Variants in LAMA4 observed in about 807,000 individuals in gnomAD.
LAMA4 encodes the protein laminin subunit alpha 4, also known as laminin subunit alpha-4.
In LAMA4, 127 loss-of-function variants were observed where a neutral mutation model predicts 207.1. That is an observed-to-expected ratio of 0.61 (90% confidence interval 0.53 to 0.71). The LOEUF (loss-of-function observed/expected upper bound fraction) is 0.71, where lower values mean the gene tolerates loss of function less well. Among genes scored for constraint, LAMA4 ranks in the 30% least tolerant of loss-of-function variants. LAMA4 has a pLI of 0.00. For synonymous variants in LAMA4, 761 were observed against 816.0 expected (o/e 0.93, Z 1.15); for missense variants, 2,093 against 2,246.5 (o/e 0.93, Z 1.38).
chr6:112,113,978 T>C, intron 38 of LAMA4, 98 bp downstream of exon 38: 1 of 1,352,150 alleles, frequency 7.4e-7, no homozygotes, highest in East Asian at 2.3e-5. Flanking sequence ...TTTGAGTAAC[T>C]AGGTGCATCA....
intron 30 of LAMA4, 127 bp from the exon 31 acceptor site, chr6:112,129,202 GTA>G: frequency 1.5e-6 from 1 of 689,022 alleles, no homozygotes; most frequent in East Asian, 3.0e-5. Context: ...GTGTGTGTGT[GTA>G]TGTGTGATGG....
Position 112,136,553 on chromosome 6 carries a change from G to A in LAMA4, c.3283-299C>T, listed in dbSNP as rs180703986. On this transcript the variant is annotated intron_variant, in intron 24 of 38. Coordinates refer to ENST00000230538, the MANE Select transcript of LAMA4 (RefSeq NM_001105206.3). Reference sequence around the variant, plus strand: ...CTAAAAATACAAAAACTAGCCAGGCGTGGTGGTAGGCACCTGTAATCCCAG... The same window carrying A: ...CTAAAAATACAAAAACTAGCCAGGCATGGTGGTAGGCACCTGTAATCCCAG... Among the ~76,000 whole-genome samples the A allele has an allele frequency of 1.4e-4, 21 of 152,120 alleles. 1 individual carries two copies. Among genetic ancestry groups the A allele is most frequent in the African/African-American group, 4.1e-4 (17 of 41,508 alleles).
At chr6:112,215,963 T>C (rs576159797) in intron 3 of LAMA4, among the ~76,000 whole-genome samples, 75 of 152,230 alleles carry the variant, frequency 4.9e-4, no homozygotes, top group Non-Finnish European at 9.4e-4. Flanking sequence ...TTTTAGGTTC[T>C]AAAATAGGCT....
At position 112,130,300 on chromosome 6, in the gene LAMA4, T is replaced by TTGTGTGTGTGTG. The variant is rs35563593; in HGVS notation, c.3969-272_3969-261dup. ...AGATGACTAGTCATCAGCATTATTT[T>TTGTGTGTGTGTG]TGTGTGTGTGTGTGTGTGTGTGTGT... On this transcript the variant is annotated intron_variant, in intron 29 of 38. Transcript: ENST00000230538. The TTGTGTGTGTGTG allele has an allele frequency of 1.4e-3, 554 of 382,214 alleles. 5 individuals carry two copies. The highest frequency in any genetic ancestry group is 8.2e-3 in the African/African-American group (383 of 46,778). 23.7% of individuals were successfully genotyped at this position (382,214 alleles called of 1,614,324 possible).
At chr6:112,194,935 T>C (rs1419160580) in intron 5 of LAMA4, among the ~76,000 whole-genome samples, 1 of 152,192 alleles carries the variant, frequency 6.6e-6, no homozygotes, top group Non-Finnish European at 1.5e-5. Flanking sequence ...AATGAAAGGA[T>C]TGTGGCATAT....
In LAMA4 at chr6:112,247,203, T is replaced by A. The variant is rs185523179; in HGVS notation, c.195+6753A>T. Among the ~76,000 whole-genome samples the A allele has an allele frequency of 2.0e-4, 31 of 152,308 alleles. No homozygotes were observed. In the East Asian group the frequency reaches 5.2e-3, roughly 26 times the overall value. On this transcript the variant is annotated intron_variant, in intron 2 of 38. Transcript: ENST00000230538. ...TTATTTCATTTAAATTTCACAAGAA[T>A]TTTGCAAGGCAGGTGTATTTCTATT...
At chr6:112,165,396 G>A (rs1183561982) in intron 12 of LAMA4, 120 bp from the exon 13 acceptor site, 3 of 752,276 alleles carry the variant, frequency 4.0e-6, no homozygotes, top group Admixed American at 3.5e-5. Context: ...TCATATCCCA[G>A]CTCCATCCTT....
intron 2 of LAMA4, among the ~76,000 whole-genome samples, chr6:112,231,440 A>G (rs1430866976): frequency 6.6e-6 from 1 of 152,192 alleles, no homozygotes; most frequent in Non-Finnish European, 1.5e-5. Context: ...AATTATTCTC[A>G]ATTTAAATAC....
intron 2 of LAMA4, among the ~76,000 whole-genome samples, chr6:112,245,196 T>A (rs1301494316): frequency 6.6e-6 from 1 of 152,160 alleles, no homozygotes; most frequent in Non-Finnish European, 1.5e-5. Flanking sequence ...AACACACACA[T>A]GTAGCCATGA....
At chr6:112,177,132 T>C (rs1782069832) in intron 10 of LAMA4, among the ~76,000 whole-genome samples, 2 of 152,190 alleles carry the variant, frequency 1.3e-5, no homozygotes, top group Non-Finnish European at 1.5e-5. Flanking sequence ...AAAGAATATT[T>C]TGTCAGGAAA....
At chr6:112,230,411 C>T (rs145392258) in intron 2 of LAMA4, among the ~76,000 whole-genome samples, 1 of 152,320 alleles carries the variant, frequency 6.6e-6, no homozygotes, top group African/African-American at 2.4e-5. Context: ...TCAGTTCCAG[C>T]TCTACCTGGG....
Position 112,254,226 on chromosome 6 carries a change from G to T in LAMA4, c.-76C>A. 6.3e-7 allele frequency: 1 copy of T among 1,581,628 alleles called. No homozygotes were observed. The highest frequency in any genetic ancestry group is 1.1e-5 in the South Asian group (1 of 87,986). ...CTCCGTAGGTCTCCCGCGTGGTGCG[G>T]CGGTGCCTCGCTTATTTTCCCTCCT... On this transcript the variant is annotated 5_prime_UTR_variant, in exon 2 of 39. Transcript: ENST00000230538.
chr6:112,189,114 G>C lies in LAMA4; in HGVS notation c.810C>G (p.Thr270=). ...ATCATGTACTGTTATTTTTACTTAT[G>C]GTTGGGCAGTCCATGCCTGTAGGGG... ...FEPPTGMDCP[T]ISCDKCVWDL... is the part of the protein sequence containing the mutation. Residue 270 remains threonine (T), a synonymous_variant, in exon 7 of 39, where the codon ACC becomes ACG. Transcript: ENST00000230538. 1 of 1,607,566 alleles carries C rather than the reference G, an allele frequency of 6.2e-7. No individual in the cohort carries two copies. Among genetic ancestry groups the C allele is most frequent in the Non-Finnish European group, 8.5e-7 (1 of 1,174,136 alleles).
At chr6:112,172,897 CATGCCTTCT>C in intron 11 of LAMA4, 93 bp from the exon 12 acceptor site, 1 of 944,442 alleles carries the variant, frequency 1.1e-6, no homozygotes, top group South Asian at 1.4e-5. Context: ...ATTCTCAGGC[CATGCCTTCT>C]TTAGCAATGG....
chr6:112,187,041 T>C (rs1782726947), intron 8 of LAMA4, among the ~76,000 whole-genome samples: 1 of 152,184 alleles, frequency 6.6e-6, no homozygotes, highest in Non-Finnish European at 1.5e-5. Context: ...AGAAGAAGGA[T>C]GCTTCTAGAC....
chr6:112,248,096 G>A (rs1787132232), intron 2 of LAMA4, among the ~76,000 whole-genome samples: 1 of 152,202 alleles, frequency 6.6e-6, no homozygotes, highest in Non-Finnish European at 1.5e-5. Flanking sequence ...TTAATCGGAA[G>A]TTATCATTTA....
rs3752577 is a variant in LAMA4, at chr6:112,158,839, A to G, written c.1710T>C (p.Ser570=). The G allele has an allele frequency of 0.094, 152,275 of 1,611,908 alleles. 8,253 individuals carry two copies. Among genetic ancestry groups the G allele is most frequent in the East Asian group, 0.15 (6,884 of 44,850 alleles). ...GGTTAGATAGTTTTACTTGTAGTTC[A>G]CTTTTGGCTCCATCTATTTCTGCAT... ...GIYAEIDGAK[S]ELQVKLSNLS... Residue 570 remains serine, a synonymous_variant, in exon 14 of 39, where the codon AGT becomes AGC. Transcript: ENST00000230538.
intron 3 of LAMA4, among the ~76,000 whole-genome samples, chr6:112,215,036 C>A (rs1562742065): frequency 6.6e-6 from 1 of 152,198 alleles, no homozygotes; most frequent in African/African-American, 2.4e-5. Flanking sequence ...TAACAAACAA[C>A]CTTTAATTGG....
At chr6:112,215,757 G>A in intron 3 of LAMA4, among the ~76,000 whole-genome samples, 1 of 152,158 alleles carries the variant, frequency 6.6e-6, no homozygotes, top group Non-Finnish European at 1.5e-5. Flanking sequence ...TCAATCTTTC[G>A]CACAAGGCTC....
Sources: allele counts gnomAD v4.1 joint callset (sites outside exome capture counted in the v4.1 genomes callset), GRCh38; gene constraint gnomAD v4.1.1; transcripts MANE v1.5; gene names NCBI Gene and HGNC (gene_info 2026-07-23, HGNC 2026-07-21).